The following SIN3B variants were observed in gnomAD, a reference collection of about 807,000 sequenced individuals.
SIN3B encodes the protein SIN3 transcription regulator family member B.
In SIN3B, 19 loss-of-function variants were observed where a neutral mutation model predicts 120.2. That is an observed-to-expected ratio of 0.16 (90% CI 0.11 to 0.23). The LOEUF (loss-of-function observed/expected upper bound fraction) is 0.23, where lower values mean the gene tolerates loss of function less well. Ranked by LOEUF, SIN3B falls within the 10% of genes least tolerant of loss-of-function variation. The pLI is 1.00. For missense variants in SIN3B, 1,073 were observed against 1,573.0 expected, an observed-to-expected ratio of 0.68 and a Z score of 5.38; for synonymous variants, 654 against 653.2, an observed-to-expected ratio of 1.00 and a Z score of -0.02.
chr19:16,863,923 A>G (rs951710719), intron 10 of SIN3B, 127 bp downstream of exon 10: 2 of 666,358 alleles, frequency 3.0e-6, no homozygotes, highest in Non-Finnish European at 5.2e-6. Context: ...GCACATTCCA[A>G]CAGCTCCTGG....
rs1285260322 is a variant in SIN3B at position 16,853,226 on chromosome 19, GC to G, written c.939+70del. On this transcript the variant is annotated intron_variant, in intron 7 of 18. Coordinates refer to ENST00000248054, the MANE Select transcript of SIN3B (RefSeq NM_001297595.2). ...AGCTGGCTGGGCCAATGCTCCCTGG[GC>G]CTGCCCCAGGATTGGGGCGGGGAGC... 7 of 1,444,262 alleles carry G rather than the reference GC, an allele frequency of 4.8e-6. No homozygotes were observed. In the African/African-American group the frequency reaches 9.8e-5, roughly 20 times the overall value. 89.5% of individuals were successfully genotyped at this position (1,444,262 alleles called of 1,614,324 possible).
At chr19:16,874,888 T>G (rs1431024297) in intron 14 of SIN3B, among the ~76,000 whole-genome samples, 1 of 152,062 alleles carries the variant, frequency 6.6e-6, no homozygotes, top group Non-Finnish European at 1.5e-5. Flanking sequence ...TCTGGTCTGG[T>G]CTGGTTTTGG....
intron 5 of SIN3B, among the ~76,000 whole-genome samples, chr19:16,848,642 C>T (rs1971508357): frequency 6.6e-6 from 1 of 152,162 alleles, no homozygotes; most frequent in South Asian, 2.1e-4. Context: ...GCTGGGACTA[C>T]AGACACCACC....
intron 10 of SIN3B, 200 bp from the exon 11 acceptor site, chr19:16,865,210 T>C (rs1971748155): frequency 1.8e-6 from 1 of 560,296 alleles, no homozygotes; most frequent in Non-Finnish European, 3.2e-6. Context: ...GGGAGGATTG[T>C]TTGAGCCCAG....
chr19:16,865,338 A>C, intron 10 of SIN3B, 72 bp from the exon 11 acceptor site: 1 of 557,756 alleles, frequency 1.8e-6, no homozygotes, highest in Admixed American at 2.5e-5. Flanking sequence ...CTGGTCTCTG[A>C]GGTCCCAGGC....
intron 3 of SIN3B, among the ~76,000 whole-genome samples, chr19:16,841,145 C>T (rs1971411973): frequency 6.6e-6 from 1 of 152,042 alleles, no homozygotes; most frequent in Admixed American, 6.6e-5. Context: ...TATTTTTGCT[C>T]ATATCGGCTG....
rs772574373 is a variant in SIN3B at position 16,876,581 on chromosome 19, G to C, written c.2859+3G>C. ...CGGAGGACCCTGTGGAGGTCCAGGT[G>C]AGGCCCTGGCCCCAGTCTGTGCCAC... is the stretch of plus-strand genomic sequence containing the variant. On this transcript the variant is annotated splice_donor_region_variant and intron_variant, in intron 16 of 18. Coordinates refer to ENST00000248054, the MANE Select transcript of SIN3B (RefSeq NM_001297595.2). This position sits in a 1 kb window ranked among gnomAD's most constrained non-coding sequence, Gnocchi z 7.1. 1 of 1,610,948 alleles carries C rather than the reference G, an allele frequency of 6.2e-7. No individual in the cohort carries two copies. Among genetic ancestry groups the C allele is most frequent in the Admixed American group, 1.7e-5 (1 of 59,968 alleles).
At chr19:16,866,218 G>A (rs761721616) in intron 11 of SIN3B, among the ~76,000 whole-genome samples, 155 bp from the exon 12 acceptor site, 8 of 152,182 alleles carry the variant, frequency 5.3e-5, no homozygotes, top group East Asian at 1.9e-4. Flanking sequence ...TCCCTCTGAC[G>A]TGCACAGAGC....
At position 16,862,410 on chromosome 19, in the gene SIN3B, T is replaced by G. The variant is rs746041626; in HGVS notation, c.1117T>G (p.Phe373Val). The change falls in exon 9 of 19, where the codon TTC becomes GTC. Residue 373 changes from phenylalanine to valine, a missense_variant. Phe to Val is a conservative substitution (Grantham distance 50). Coordinates refer to ENST00000248054, the MANE Select transcript of SIN3B (RefSeq NM_001297595.2). The surrounding 1 kb of genome is among the most constrained non-coding windows in gnomAD (Gnocchi z 4.7). ...KSFLGVKELSFAPPMSDRSGD... is the reference protein window; with the variant it reads ...KSFLGVKELSVAPPMSDRSGD... ...CTTCCTGGGGGTAAAAGAGCTGTCC[T>G]TCGCGCCACCCATGAGCGACAGATC... 3.1e-6 allele frequency: 5 copies of G among 1,614,212 alleles called. No homozygotes were observed. The highest frequency in any genetic ancestry group is 4.2e-6 in the Non-Finnish European group (5 of 1,180,036).
chr19:16,867,881 C>G (rs910168671), intron 12 of SIN3B, among the ~76,000 whole-genome samples: 107 of 152,160 alleles, frequency 7.0e-4, no homozygotes, highest in African/African-American at 2.5e-3. Context: ...AGCCCAAGAC[C>G]CCGTATAGGT....
Position 16,841,757 on chromosome 19 carries a change from C to T in SIN3B, c.382-11C>T, listed in dbSNP as rs767435862. On this transcript the variant is annotated splice_polypyrimidine_tract_variant and intron_variant, in intron 3 of 18. Transcript: ENST00000248054. ...GTCGGGCCTGGCAGTAACTCATTGT[C>T]GCCTTGTCAGGAGAATTCGCACAAC... 8.7e-6 allele frequency: 14 copies of T among 1,612,376 alleles called. No homozygotes were observed. In the African/African-American group the frequency reaches 9.4e-5, roughly 11 times the overall value.
chr19:16,853,862 A>T (rs989775117), intron 7 of SIN3B, among the ~76,000 whole-genome samples: 12 of 151,524 alleles, frequency 7.9e-5, no homozygotes, highest in Admixed American at 5.9e-4. Flanking sequence ...GATGGCGTGC[A>T]TGGGCTGTGA....
chr19:16,859,246 C>T (rs1971656287), intron 8 of SIN3B, among the ~76,000 whole-genome samples: 1 of 152,178 alleles, frequency 6.6e-6, no homozygotes, highest in Non-Finnish European at 1.5e-5. Context: ...TAGGCGGCAG[C>T]CAGGGTGCTC....
At chr19:16,858,055 T>G (rs1971639876) in intron 8 of SIN3B, among the ~76,000 whole-genome samples, 1 of 152,080 alleles carries the variant, frequency 6.6e-6, no homozygotes, top group Non-Finnish European at 1.5e-5. Context: ...TTTTGTATTT[T>G]GAGTAGAGAC....
chr19:16,865,106 C>CA (rs1333190301), intron 10 of SIN3B: 1 of 245,896 alleles, frequency 4.1e-6, no homozygotes, highest in African/African-American at 2.2e-5. Flanking sequence ...GCCAGGATTA[C>CA]AGGCGTGAGC....
intron 4 of SIN3B, among the ~76,000 whole-genome samples, chr19:16,843,691 G>A (rs1971446085): frequency 6.6e-6 from 1 of 152,164 alleles, no homozygotes; most frequent in Non-Finnish European, 1.5e-5. Context: ...ACAATGAGGG[G>A]TTGCCACAGA....
chr19:16,869,818 C>A lies in SIN3B; in HGVS notation c.2165C>A (p.Thr722Asn). 1 of 1,613,882 alleles carries A rather than the reference C, an allele frequency of 6.2e-7. No homozygotes were observed. Among genetic ancestry groups the A allele is most frequent in the Non-Finnish European group, 8.5e-7 (1 of 1,179,992 alleles). Residue 722 changes from threonine to asparagine, a missense_variant, in exon 13 of 19, where the codon ACT becomes AAT. Physicochemically the swap from Thr to Asn is moderately conservative, Grantham distance 65. Coordinates refer to ENST00000248054, the MANE Select transcript of SIN3B (RefSeq NM_001297595.2). ...GGGGCCTTCGGGGATGCCCCGGCCACTGAGCAGCCACCCCTGCCGCCCCCA... is the reference window on the plus strand; with the variant it reads ...GGGGCCTTCGGGGATGCCCCGGCCAATGAGCAGCCACCCCTGCCGCCCCCA... ...EKGAFGDAPA[T>N]EQPPLPPPAP... is the part of the protein sequence containing the mutation.
chr19:16,851,470 C>T lies in SIN3B; in HGVS notation c.785C>T (p.Thr262Ile). Reference protein sequence around the residue: ...HSVQKNEHDKTPEHSRKRSRP... With the variant: ...HSVQKNEHDKIPEHSRKRSRP... ...GTGCAGAAGAACGAGCACGACAAGA[C>T]CCCGGAGCACAGCAGGAAGCGCTCC... is the stretch of plus-strand genomic sequence containing the variant. The change falls in exon 6 of 19, where the codon ACC (threonine) becomes ATC (isoleucine). Residue 262 changes from threonine (T) to isoleucine (I), a missense_variant. Thr to Ile is a moderately conservative substitution (Grantham distance 89). Transcript: ENST00000248054. 1 of 1,610,266 alleles carries T rather than the reference C, an allele frequency of 6.2e-7. No individual in the cohort carries two copies. Among genetic ancestry groups the T allele is most frequent in the Non-Finnish European group, 8.5e-7 (1 of 1,178,528 alleles).
chr19:16,860,530 T>A (rs1169456093), intron 8 of SIN3B, among the ~76,000 whole-genome samples: 1 of 151,452 alleles, frequency 6.6e-6, no homozygotes, highest in African/African-American at 2.4e-5. Flanking sequence ...GACGTCGTTA[T>A]GCGAGGGTGG....
Sources: allele counts gnomAD v4.1 joint callset (sites outside exome capture counted in the v4.1 genomes callset), GRCh38; gene constraint gnomAD v4.1.1; non-coding constraint Gnocchi (gnomAD v3.1); transcripts MANE v1.5; gene names NCBI Gene and HGNC (gene_info 2026-07-23, HGNC 2026-07-21).